The following LRRK1 variants were observed in gnomAD, a reference collection of about 807,000 sequenced individuals.
LRRK1 encodes leucine rich repeat kinase 1, also known as leucine-rich repeat serine/threonine-protein kinase 1.
LRRK1 carries 113 observed loss-of-function variants against 209.1 expected under a neutral mutation model. The ratio of observed to expected loss-of-function variants is 0.54; its 90% CI spans 0.46 to 0.63. The LOEUF is 0.63. Ranked by LOEUF, LRRK1 falls within the 30% of genes least tolerant of loss-of-function variation. The pLI is 0.00. For synonymous variants in LRRK1, 1,144 were observed against 1,099.7 expected (o/e 1.04, Z -0.80); for missense variants, 2,284 against 2,632.2 (o/e 0.87, Z 2.89).
intron 13 of LRRK1, 183 bp from the exon 14 acceptor site, chr15:101,021,662 G>A (rs959193545): frequency 1.6e-4 from 91 of 569,516 alleles, no homozygotes; most frequent in Middle Eastern, 9.1e-4. Flanking sequence ...CAGAGCTGCC[G>A]TTTCTATCAC....
At chr15:101,037,010 C>T (rs1161348672) in intron 20 of LRRK1, among the ~76,000 whole-genome samples, 2 of 152,182 alleles carry the variant, frequency 1.3e-5, no homozygotes, top group African/African-American at 2.4e-5. Context: ...GCAGGCATGC[C>T]TCTCCTTGGA....
chr15:100,995,103 T>G (rs2032341557), intron 6 of LRRK1, among the ~76,000 whole-genome samples: 1 of 152,212 alleles, frequency 6.6e-6, no homozygotes, highest in Non-Finnish European at 1.5e-5. Context: ...TGACGGAGGT[T>G]GTTGCTCCAG....
intron 1 of LRRK1, among the ~76,000 whole-genome samples, chr15:100,920,661 C>A (rs187796492): frequency 7.6e-6 from 1 of 130,990 alleles, no homozygotes; most frequent in African/African-American, 2.8e-5. Context: ...CCCCACCCCC[C>A]ACCCTGCCCC....
chr15:101,053,037 G>A lies in LRRK1; in HGVS notation c.3805G>A (p.Val1269Ile), dbSNP rs779284426. Residue 1269 changes from valine (V) to isoleucine (I), a missense_variant, in exon 25 of 34, where the codon GTC becomes ATC. Val to Ile is a conservative substitution (Grantham distance 29, BLOSUM62 3). Around this residue, in one of 6 missense-constraint regions of LRRK1, gnomAD observed 780 missense variants for 985.2 expected, o/e 0.79. Transcript: ENST00000388948. ...RARYQGQPVA[V>I]KRFHIKKFKN... ...CCGGTACCAGGGCCAGCCTGTGGCC[G>A]TCAAGCGCTTCCACATCAAAAAATT... The A allele has an allele frequency of 6.3e-5, 102 of 1,612,712 alleles. No individual in the cohort carries two copies. The South Asian group carries it at 6.9e-4, about 11-fold the overall frequency.
In LRRK1 at chr15:101,058,016, C is replaced by T; in HGVS notation, c.4554C>T (p.Ser1518=). ...EKRPLALSVV[S]QMKDPTFATF... ...GACCGCTGGCCCTGTCGGTGGTGAG[C>T]CAGATGAAGGACCCGACTTTTGCCA... Residue 1518 remains serine, a synonymous_variant, in exon 29 of 34, where the codon AGC becomes AGT. Transcript: ENST00000388948. 1 of 1,614,124 alleles carries T rather than the reference C, an allele frequency of 6.2e-7. No homozygotes were observed. Among genetic ancestry groups the T allele is most frequent in the East Asian group, 2.2e-5 (1 of 44,884 alleles).
Position 101,065,657 on chromosome 15 carries a change from G to A in LRRK1, c.5220G>A (p.Val1740=), listed in dbSNP as rs1429035984. The change falls in exon 32 of 34, where the codon GTG becomes GTA. Residue 1740 remains valine (V), a synonymous_variant. Transcript: ENST00000388948. The part of the protein sequence containing the change: ...YMAPSMVTSV[V]CSSEGRGEEV... Reference sequence around the variant, plus strand: ...CCCCCTCCATGGTTACGTCAGTCGTGTGCAGCTCTGAGGGCAGAGGGGAGG... The same window carrying A: ...CCCCCTCCATGGTTACGTCAGTCGTATGCAGCTCTGAGGGCAGAGGGGAGG... 2.5e-6 allele frequency: 4 copies of A among 1,614,038 alleles called. No homozygotes were observed. Among genetic ancestry groups the A allele is most frequent in the South Asian group, 1.1e-5 (1 of 91,090 alleles).
intron 2 of LRRK1, among the ~76,000 whole-genome samples, chr15:100,926,589 A>C (rs1267128235): frequency 1.8e-4 from 3 of 16,782 alleles, no homozygotes; most frequent in Middle Eastern, 0.026. Flanking sequence ...CTGGAGCAGC[A>C]TCTTGGGGCA....
intron 12 of LRRK1, among the ~76,000 whole-genome samples, chr15:101,016,710 G>T (rs559945273): frequency 1.3e-4 from 20 of 152,192 alleles, no homozygotes; most frequent in Non-Finnish European, 2.8e-4. Context: ...GCAGAGCCAG[G>T]TTTCATCCCA....
chr15:100,978,678 A>G (rs1175559161), intron 3 of LRRK1, among the ~76,000 whole-genome samples: 1 of 152,214 alleles, frequency 6.6e-6, no homozygotes, highest in African/African-American at 2.4e-5. Flanking sequence ...ATCCTTGAAA[A>G]GTAGAAATTA....
At chr15:100,933,135 A>C (rs1378283257) in intron 2 of LRRK1, among the ~76,000 whole-genome samples, 1 of 152,052 alleles carries the variant, frequency 6.6e-6, no homozygotes, top group Non-Finnish European at 1.5e-5. Context: ...GGGCATCTTT[A>C]TTTTGCCCTC....
chr15:101,058,107 A>G lies in LRRK1; in HGVS notation c.4645A>G (p.Thr1549Ala), dbSNP rs778638365. ...CTTCTCATCCCAGGGCCAGGAGTAC[A>G]CCGTGGTGTTTTGGGATGGAAAAGA... ...AFFSSQGQEY[T>A]VVFWDGKEES... Residue 1549 changes from threonine to alanine, a missense_variant, in exon 29 of 34, where the codon ACC becomes GCC. This residue lies in a region of LRRK1 where 643 missense variants were observed against 695.9 expected (regional missense o/e 0.92). Transcript: ENST00000388948. 4.3e-6 allele frequency: 7 copies of G among 1,614,124 alleles called. No individual in the cohort carries two copies. Among genetic ancestry groups the G allele is most frequent in the Non-Finnish European group, 5.9e-6 (7 of 1,180,016 alleles).
At chr15:100,934,626 C>CAAAAAAA (rs71151991) in intron 2 of LRRK1, among the ~76,000 whole-genome samples, 1 of 72,384 alleles carries the variant, frequency 1.4e-5, no homozygotes. Context: ...CCCATCTCTA[C>CAAAAAAA]AAAAAAAAAA....
At chr15:100,983,428 T>C (rs917907726) in intron 3 of LRRK1, 100 bp from the exon 4 acceptor site, 26 of 1,160,036 alleles carry the variant, frequency 2.2e-5, no homozygotes, top group Non-Finnish European at 3.1e-5. Context: ...ACAACACAAC[T>C]CCAGTCCTGC....
At chr15:100,974,089 C>A in intron 3 of LRRK1, 122 bp downstream of exon 3, 4 of 843,314 alleles carry the variant, frequency 4.7e-6, no homozygotes, top group Non-Finnish European at 4.7e-6. Flanking sequence ...GTTCTGGAAA[C>A]GCCTCGCTTT....
At chr15:101,012,272 G>A in intron 10 of LRRK1, 127 bp downstream of exon 10, 4 of 942,106 alleles carry the variant, frequency 4.2e-6, no homozygotes, top group Non-Finnish European at 6.4e-6. Context: ...TGAAGAAAAA[G>A]TTCAGCTATC....
chr15:100,947,560 C>A (rs998226292), intron 2 of LRRK1, among the ~76,000 whole-genome samples: 1 of 152,122 alleles, frequency 6.6e-6, no homozygotes, highest in Non-Finnish European at 1.5e-5. Flanking sequence ...ACTTATTGAG[C>A]AGAAATTGGC....
At chr15:101,020,362 T>C (rs2033721083) in intron 12 of LRRK1, among the ~76,000 whole-genome samples, 1 of 149,334 alleles carries the variant, frequency 6.7e-6, no homozygotes, top group Admixed American at 6.7e-5. Flanking sequence ...AGATATCCGG[T>C]TCTGAACTTT....
At chr15:100,949,355 C>A (rs1221163996) in intron 2 of LRRK1, among the ~76,000 whole-genome samples, 1 of 152,056 alleles carries the variant, frequency 6.6e-6, no homozygotes, top group Admixed American at 6.5e-5. Context: ...ACACTTAAAA[C>A]AAGTAGAGAG....
chr15:100,975,520 C>G (rs369854714), intron 3 of LRRK1, among the ~76,000 whole-genome samples: 1 of 152,128 alleles, frequency 6.6e-6, no homozygotes, highest in Non-Finnish European at 1.5e-5. Context: ...AACTCAAAAT[C>G]GAGAAGGTTC....
Sources: gnomAD v4.1 joint callset for allele counts (sites outside exome capture counted in the v4.1 genomes callset) on GRCh38, gnomAD v4.1.1 for gene constraint, gnomAD v4.1.1 regional missense constraint, MANE v1.5 for transcripts, NCBI Gene and HGNC (gene_info 2026-07-23, HGNC 2026-07-21) for gene names.